The following RPL23A variants were observed in gnomAD, a reference collection of about 807,000 sequenced individuals.
The protein encoded by RPL23A is large ribosomal subunit protein uL23.
Under a neutral mutation model 17.6 loss-of-function variants are expected in RPL23A, and 2 were observed. The ratio of observed to expected loss-of-function variants is 0.11; its 90% CI spans 0.05 to 0.36. RPL23A has a LOEUF of 0.36. Ranked by LOEUF, RPL23A falls within the 10% of genes least tolerant of loss-of-function variation. The probability of loss-of-function intolerance (pLI) is 1.00; values close to 1 mark genes in which losing one functional copy is unlikely to be tolerated. For missense variants in RPL23A, 132 were observed against 194.4 expected, an observed-to-expected ratio of 0.68 and a Z score of 1.91; for synonymous variants, 65 against 74.3, an observed-to-expected ratio of 0.87 and a Z score of 0.65.
chr17:28,723,432 C>A, intron 3 of RPL23A, 139 bp from the exon 4 acceptor site: 1 of 790,048 alleles, frequency 1.3e-6, no homozygotes, highest in South Asian at 1.3e-5. Flanking sequence ...GTCCTCTGGG[C>A]TAATGATGGA....
intron 1 of RPL23A, 110 bp from the exon 2 acceptor site, chr17:28,720,597 C>A: frequency 1.4e-6 from 2 of 1,399,718 alleles, no homozygotes; most frequent in Non-Finnish European, 1.0e-6. Flanking sequence ...GTGATGTCTT[C>A]AAAGGAACCA....
intron 1 of RPL23A, 94 bp from the exon 2 acceptor site, chr17:28,720,613 G>T (rs766997667): frequency 1.4e-6 from 2 of 1,413,966 alleles, no homozygotes. Flanking sequence ...AACCACTGAT[G>T]CACCTGTGGC....
chr17:28,720,789 AAAG>A lies in RPL23A; in HGVS notation c.116_118del (p.Lys39del), dbSNP rs759300910. On this transcript the variant is annotated inframe_deletion, in exon 2 of 5. Coordinates refer to ENST00000422514, the MANE Select transcript of RPL23A (RefSeq NM_000984.6). Reference sequence around the variant, plus strand: ...TGTTGAAAGGTGTCCACAGCCACAAAAAGAAGAAGATCCGCACGTCACCCACCT... The same window carrying A: ...TGTTGAAAGGTGTCCACAGCCACAAAAAGAAGATCCGCACGTCACCCACCT... 6.8e-5 allele frequency: 110 copies of A among 1,613,496 alleles called. No homozygotes were observed. The highest frequency in any genetic ancestry group is 3.1e-4 in the East Asian group (14 of 44,882).
chr17:28,721,827 C>G (rs1597796297), intron 2 of RPL23A: 2 of 152,220 alleles, frequency 1.3e-5, no homozygotes, highest in East Asian at 3.8e-4. Flanking sequence ...AGTTCACAGA[C>G]TGTCTTCCTG....
At chr17:28,721,247 G>C in intron 2 of RPL23A, 1 of 221,818 alleles carries the variant, frequency 4.5e-6, no homozygotes, top group South Asian at 5.7e-5. Context: ...AGCTACTCGC[G>C]GGAGGCTGAG....
rs752884691 is a variant in RPL23A, at chr17:28,722,762, T to C, written c.249T>C (p.Thr83=). Residue 83 remains threonine, a synonymous_variant, in exon 3 of 5, where the codon ACT becomes ACC. Transcript: ENST00000422514. Reference sequence around the variant, plus strand: ...CTATCATCAAGTTTCCGCTGACCACTGAGTCTGCCATGAAGAAGATAGAAG... The same window carrying C: ...CTATCATCAAGTTTCCGCTGACCACCGAGTCTGCCATGAAGAAGATAGAAG... The part of the protein sequence containing the change: ...HYAIIKFPLT[T]ESAMKKIEDN... 1 of 1,614,048 alleles carries C rather than the reference T, an allele frequency of 6.2e-7. No individual in the cohort carries two copies. The highest frequency in any genetic ancestry group is 1.1e-5 in the South Asian group (1 of 91,088).
chr17:28,721,953 TGCTCGTGGCTGGCCGG>T (rs1033879393), intron 2 of RPL23A: 1 of 152,134 alleles, frequency 6.6e-6, no homozygotes, highest in African/African-American at 2.4e-5. Flanking sequence ...CATAAGAATT[TGCTCGTGGCTGGCCGG>T]GCGCGGTGGC....
chr17:28,720,277 G>A, intron 1 of RPL23A: 1 of 1,547,720 alleles, frequency 6.5e-7, no homozygotes, highest in Non-Finnish European at 8.7e-7. Context: ...CAGACATTCG[G>A]TTCTGGGAAG....
At chr17:28,720,196 C>A in intron 1 of RPL23A, 166 bp downstream of exon 1, 2 of 1,533,252 alleles carry the variant, frequency 1.3e-6, no homozygotes, top group Non-Finnish European at 1.8e-6. Flanking sequence ...TGGGCCCAGC[C>A]TCGTGGGCTG....
At chr17:28,720,056 C>A (rs1281903039) in intron 1 of RPL23A, 26 bp downstream of exon 1, 9 of 1,551,164 alleles carry the variant, frequency 5.8e-6, no homozygotes, top group Non-Finnish European at 7.8e-6. Context: ...GGGGCCGCAG[C>A]TGGTTTACCG....
In RPL23A at chr17:28,723,637, C is replaced by T; in HGVS notation, c.453C>T (p.Asn151=). 1.9e-6 allele frequency: 3 copies of T among 1,613,652 alleles called. No homozygotes were observed. In the Admixed American group the frequency reaches 5.0e-5, roughly 27 times the overall value. The stretch of plus-strand genomic sequence containing the variant: ...ATTACGATGCTTTGGATGTTGCCAA[C>T]AAAGTAAGTTTCCTTCCTACAAACC... ...APDYDALDVA[N]KIGII The change falls in exon 4 of 5, where the codon AAC becomes AAT. Residue 151 remains asparagine (N), a synonymous_variant. Transcript: ENST00000422514.
At chr17:28,720,425 G>A (rs1353366174) in intron 1 of RPL23A, 7 of 1,608,068 alleles carry the variant, frequency 4.4e-6, no homozygotes, top group Non-Finnish European at 5.9e-6. Context: ...GTGGTTTTGC[G>A]ATGGGGTATG....
At chr17:28,721,111 G>A (rs2034106603) in intron 2 of RPL23A, 1 of 440,084 alleles carries the variant, frequency 2.3e-6, no homozygotes, top group Admixed American at 3.6e-5. Context: ...CAGCACTTTG[G>A]GAGGCCGAGG....
chr17:28,723,856 T>G lies in RPL23A; in HGVS notation c.457-11T>G. On this transcript the variant is annotated splice_polypyrimidine_tract_variant and intron_variant, in intron 4 of 4. Coordinates refer to ENST00000422514, the MANE Select transcript of RPL23A (RefSeq NM_000984.6). The stretch of plus-strand genomic sequence containing the variant: ...TCAACTCCAGTAACGAGGCTCCCTT[T>G]TGTTTTTCAGATTGGGATCATCTAA... 1 of 1,605,704 alleles carries G rather than the reference T, an allele frequency of 6.2e-7. No homozygotes were observed. Among genetic ancestry groups the G allele is most frequent in the Non-Finnish European group, 8.5e-7 (1 of 1,172,430 alleles).
intron 3 of RPL23A, 174 bp from the exon 4 acceptor site, chr17:28,723,397 A>C (rs775365540): frequency 1.3e-6 from 1 of 769,134 alleles, no homozygotes; most frequent in Non-Finnish European, 2.4e-6. Context: ...TTCCCATAAG[A>C]GAATTGGCTT....
chr17:28,722,543 C>T (rs2034134349), intron 2 of RPL23A, 180 bp from the exon 3 acceptor site: 1 of 763,864 alleles, frequency 1.3e-6, no homozygotes, highest in Non-Finnish European at 2.4e-6. Context: ...GCACAACGTT[C>T]TGCCCCTGGG....
chr17:28,722,476 C>G, intron 2 of RPL23A: 2 of 625,480 alleles, frequency 3.2e-6, no homozygotes, highest in Non-Finnish European at 6.1e-6. Flanking sequence ...CACACCTGGC[C>G]CAGAGATGAT....
At chr17:28,720,515 G>GT (rs781018528) in intron 1 of RPL23A, 192 bp from the exon 2 acceptor site, 1 of 1,519,970 alleles carries the variant, frequency 6.6e-7, no homozygotes, top group South Asian at 1.1e-5. Context: ...TATCCCTGGA[G>GT]TTACTTAGAG....
rs1328732071 is a variant in RPL23A, at chr17:28,720,691, TTTCC to T, written c.26-13_26-10del. On this transcript the variant is annotated splice_polypyrimidine_tract_variant and intron_variant, in intron 1 of 4. Coordinates refer to ENST00000422514, the MANE Select transcript of RPL23A (RefSeq NM_000984.6). ...TTCTAAATCCCGCACCCACGTTTTC[TTTCC>T]TTTTCTCCCAGCTCCTGCCCCTCCT... 2 of 1,614,112 alleles carry T rather than the reference TTTCC, an allele frequency of 1.2e-6. No individual in the cohort carries two copies. The highest frequency in any genetic ancestry group is 1.7e-6 in the Non-Finnish European group (2 of 1,179,962).
Sources: gnomAD v4.1 joint callset for allele counts on GRCh38, gnomAD v4.1.1 for gene constraint, MANE v1.5 for transcripts, NCBI Gene and HGNC (gene_info 2026-07-23, HGNC 2026-07-21) for gene names.